VARS1: variants seen among roughly 807,000 people sequenced by gnomAD.
The protein encoded by VARS1 is valine--tRNA ligase.
VARS1 carries 92 observed loss-of-function variants against 161.0 expected under a neutral mutation model. The ratio of observed to expected loss-of-function variants is 0.57; its 90% CI spans 0.48 to 0.68. The LOEUF is 0.68. Ranked by LOEUF, VARS1 falls within the 30% of genes least tolerant of loss-of-function variation. The pLI, the probability that VARS1 is intolerant of heterozygous loss-of-function variation, is 0.00. For synonymous variants in VARS1, 595 were observed against 682.5 expected, an observed-to-expected ratio of 0.87 and a Z score of 2.00; for missense variants, 1,338 against 1,695.9, an observed-to-expected ratio of 0.79 and a Z score of 3.71.
At chr6:31,792,048 C>T (rs1461797199) in intron 6 of VARS1, 77 bp from the exon 7 acceptor site, 13 of 1,470,276 alleles carry the variant, frequency 8.8e-6, no homozygotes, top group African/African-American at 2.8e-5. Flanking sequence ...AGAGAGGGAT[C>T]GGGATCTCCG....
Position 31,779,346 on chromosome 6 carries a change from C to G in VARS1, c.3401-54G>C, listed in dbSNP as rs112414809. ...AGCTCCATGGAGACAGGAAACCAAG[C>G]AGTCACTGCCGGACACTGGGTCCCA... On this transcript the variant is annotated intron_variant, in intron 28 of 29. Coordinates refer to ENST00000375663, the MANE Select transcript of VARS1 (RefSeq NM_006295.3). The surrounding 1 kb of genome is among the most constrained non-coding windows in gnomAD (Gnocchi z 9.1). The G allele has an allele frequency of 3.1e-6, 5 of 1,601,450 alleles. No individual in the cohort carries two copies. The highest frequency in any genetic ancestry group is 4.2e-6 in the Non-Finnish European group (5 of 1,178,770).
Position 31,785,631 on chromosome 6 carries a change from T to A in VARS1, c.1203A>T (p.Gly401=). 2 of 1,612,988 alleles carry A rather than the reference T, an allele frequency of 1.2e-6. No individual in the cohort carries two copies. The highest frequency in any genetic ancestry group is 8.5e-7 in the Non-Finnish European group (1 of 1,180,016). ...VVEKKLWREQ[G]LSRHQLGREA... ...CGCGGCCCAGCTGGTGCCGGCTCAG[T>A]CCCTGCTCACGCCATAGCTTCTTCT... Residue 401 remains glycine (G), a synonymous_variant, in exon 9 of 30, where the codon GGA becomes GGT. Transcript: ENST00000375663. The surrounding 1 kb of genome is among the most constrained non-coding windows in gnomAD (Gnocchi z 6.1).
rs1273190008 is a variant in VARS1 at position 31,778,502 on chromosome 6, T to TTTTTG, written c.3726+460_3726+464dup. Among the ~76,000 whole-genome samples the TTTTTG allele has an allele frequency of 6.6e-6, 1 of 151,818 alleles. No homozygotes were observed. The highest frequency in any genetic ancestry group is 1.5e-5 in the Non-Finnish European group (1 of 67,930). On this transcript the variant is annotated intron_variant, in intron 29 of 29. Coordinates refer to ENST00000375663, the MANE Select transcript of VARS1 (RefSeq NM_006295.3). The surrounding 1 kb of genome is among the most constrained non-coding windows in gnomAD (Gnocchi z 5.1). ...AGTCCAGCTTCCAGACCAGGATTGG[T>TTTTTG]TTTTGTTTTGTTTTGTTTTTTTTCC... is the stretch of plus-strand genomic sequence containing the variant.
At position 31,792,975 on chromosome 6, in the gene VARS1, T is replaced by C. The variant is rs1405370404; in HGVS notation, c.522+11A>G. 3.1e-6 allele frequency: 5 copies of C among 1,613,904 alleles called. No homozygotes were observed. The highest frequency in any genetic ancestry group is 4.2e-6 in the Non-Finnish European group (5 of 1,180,040). ...GAGCAGTCTTGTTCTTCCCCAGGCC[T>C]GGTGACTCACGTATCGGAAAGGCAG... On this transcript the variant is annotated intron_variant, in intron 3 of 29. Coordinates refer to ENST00000375663, the MANE Select transcript of VARS1 (RefSeq NM_006295.3).
In VARS1 at chr6:31,779,211, C is replaced by A. The variant is rs759379173; in HGVS notation, c.3482G>T (p.Gly1161Val). 1 of 1,607,328 alleles carries A rather than the reference C, an allele frequency of 6.2e-7. No homozygotes were observed. The highest frequency in any genetic ancestry group is 8.5e-7 in the Non-Finnish European group (1 of 1,178,818). ...SGYVQALASA[G>V]VVAVLALGAP... ...CCCCAGGGCCAGAACAGCCACCACA[C>A]CTGCGCTGGCCAGGGCCTGCACGTA... Residue 1161 changes from glycine (G) to valine (V), a missense_variant, in exon 29 of 30, where the codon GGT becomes GTT. Physicochemically the swap from Gly to Val is moderately radical, Grantham distance 109 (BLOSUM62 -3). Coordinates refer to ENST00000375663, the MANE Select transcript of VARS1 (RefSeq NM_006295.3). This position sits in a 1 kb window ranked among gnomAD's most constrained non-coding sequence, Gnocchi z 9.1.
rs1398748842 is a variant in VARS1, at chr6:31,784,275, C to T, written c.1610G>A (p.Arg537Gln). The change falls in exon 13 of 30, where the codon CGG becomes CAG. Residue 537 changes from arginine (R) to glutamine (Q), a missense_variant. By Grantham distance (43) the Arg-to-Gln change is conservative. This residue lies in a region of VARS1 where 902 missense variants were observed against 1,090.3 expected (regional missense o/e 0.83). Coordinates refer to ENST00000375663, the MANE Select transcript of VARS1 (RefSeq NM_006295.3). The surrounding 1 kb of genome is among the most constrained non-coding windows in gnomAD (Gnocchi z 6.1). ...SDEEVVVATT[R>Q]IETMLGDVAV... ...CACATCTCCCAGCATTGTCTCGATC[C>T]GAGTTGTTGCCACCACCACCTCCTC... 1.2e-5 allele frequency: 19 copies of T among 1,614,184 alleles called. No individual in the cohort carries two copies. Among genetic ancestry groups the T allele is most frequent in the Non-Finnish European group, 1.5e-5 (18 of 1,180,036 alleles).
intron 6 of VARS1, 64 bp downstream of exon 6, chr6:31,792,153 A>G: frequency 4.4e-6 from 7 of 1,589,570 alleles, no homozygotes; most frequent in Non-Finnish European, 6.0e-6. Flanking sequence ...GCAAGAATAG[A>G]GCAAGATAGG....
chr6:31,794,093 CAAAAA>C (rs33960246), intron 2 of VARS1, among the ~76,000 whole-genome samples: 3 of 71,180 alleles, frequency 4.2e-5, no homozygotes, highest in Non-Finnish European at 6.1e-5. Context: ...GATTCTGTCT[CAAAAA>C]AAAAAAAAAA....
At position 31,779,406 on chromosome 6, in the gene VARS1, A is replaced by T. The variant is rs753034631; in HGVS notation, c.3400+19T>A. On this transcript the variant is annotated intron_variant, in intron 28 of 29. Coordinates refer to ENST00000375663, the MANE Select transcript of VARS1 (RefSeq NM_006295.3). The surrounding 1 kb of genome is among the most constrained non-coding windows in gnomAD (Gnocchi z 9.1). The stretch of plus-strand genomic sequence containing the variant: ...GAGGGGACAGTGGGATGGGGCGGAC[A>T]TGGGGGCCTGAGGCTCACAGTCAGG... The T allele has an allele frequency of 1.7e-5, 27 of 1,609,576 alleles. No homozygotes were observed. Among genetic ancestry groups the T allele is most frequent in the Non-Finnish European group, 2.3e-5 (27 of 1,179,836 alleles).
In VARS1 at chr6:31,782,949, C is replaced by T; in HGVS notation, c.1763-104G>A. 1 of 1,529,100 alleles carries T rather than the reference C, an allele frequency of 6.5e-7. No homozygotes were observed. The highest frequency in any genetic ancestry group is 8.8e-7 in the Non-Finnish European group (1 of 1,135,666). The allele number at this position is 1,529,100 out of a possible 1,614,324, so 94.7% of individuals were successfully genotyped here. A position where few individuals can be genotyped will look rare whatever the true frequency, so the allele number is the denominator to read the frequency against. On this transcript the variant is annotated intron_variant, in intron 14 of 29. Transcript: ENST00000375663. This position sits in a 1 kb window ranked among gnomAD's most constrained non-coding sequence, Gnocchi z 8.3. ...TGTAGCTCCGAGACCACTCCTGGCC[C>T]CCACTTGTCTAATACAGTCCCTTGA...
rs138362711 is a variant in VARS1 at position 31,779,401 on chromosome 6, C to T, written c.3400+24G>A. 3.4e-5 allele frequency: 54 copies of T among 1,608,542 alleles called. No individual in the cohort carries two copies. The African/African-American group carries it at 4.5e-4, about 13-fold the overall frequency. The stretch of plus-strand genomic sequence containing the variant: ...AGGCTGAGGGGACAGTGGGATGGGG[C>T]GGACATGGGGGCCTGAGGCTCACAG... On this transcript the variant is annotated intron_variant, in intron 28 of 29. Transcript: ENST00000375663. This position sits in a 1 kb window ranked among gnomAD's most constrained non-coding sequence, Gnocchi z 9.1.
At position 31,783,079 on chromosome 6, in the gene VARS1, A is replaced by G. The variant is rs765669677; in HGVS notation, c.1762+17T>C. The G allele has an allele frequency of 5.6e-6, 9 of 1,611,518 alleles. No individual in the cohort carries two copies. The highest frequency in any genetic ancestry group is 6.8e-6 in the Non-Finnish European group (8 of 1,179,334). ...TCCAGTCTTTTCCTCTCCCCACAGG[A>G]CCAGCCCCTTGCCCACCTGTGCCAA... On this transcript the variant is annotated intron_variant, in intron 14 of 29. Coordinates refer to ENST00000375663, the MANE Select transcript of VARS1 (RefSeq NM_006295.3).
chr6:31,789,629 C>T (rs1298727207), intron 8 of VARS1, among the ~76,000 whole-genome samples: 1 of 152,168 alleles, frequency 6.6e-6, no homozygotes, highest in Non-Finnish European at 1.5e-5. Context: ...CCAGCGAAAC[C>T]CTTCCACACA....
chr6:31,792,947 G>A (rs1374849063), intron 3 of VARS1, 39 bp downstream of exon 3: 2 of 1,614,176 alleles, frequency 1.2e-6, no homozygotes, highest in Non-Finnish European at 1.7e-6. Flanking sequence ...TGAGGTCTGA[G>A]GAGAGCAGTC....
At position 31,785,124 on chromosome 6, in the gene VARS1, C is replaced by T; in HGVS notation, c.1347+122G>A. On this transcript the variant is annotated intron_variant, in intron 10 of 29. Transcript: ENST00000375663. This position sits in a 1 kb window ranked among gnomAD's most constrained non-coding sequence, Gnocchi z 6.1. Reference sequence around the variant, plus strand: ...AAGTGGCATTTGCAGCTGAGCCCTCCATGGTGTTTTACATGGGCCAGCTCC... The same window carrying T: ...AAGTGGCATTTGCAGCTGAGCCCTCTATGGTGTTTTACATGGGCCAGCTCC... 1 of 1,148,978 alleles carries T rather than the reference C, an allele frequency of 8.7e-7. No individual in the cohort carries two copies. The highest frequency in any genetic ancestry group is 1.3e-6 in the Non-Finnish European group (1 of 787,812). The allele number at this position is 1,148,978 out of a possible 1,614,324, so 71.2% of individuals were successfully genotyped here.
chr6:31,780,700 CA>C lies in VARS1; in HGVS notation c.2797+4del. ...TGGCTGGGAGGGACGCTTTGGGGGC[CA>C]TACCCTGGGACATGTAGGCACATAA... is the stretch of plus-strand genomic sequence containing the variant. On this transcript the variant is annotated splice_donor_region_variant and intron_variant, in intron 24 of 29. Coordinates refer to ENST00000375663, the MANE Select transcript of VARS1 (RefSeq NM_006295.3). This position sits in a 1 kb window ranked among gnomAD's most constrained non-coding sequence, Gnocchi z 5.1. 3 of 1,614,112 alleles carry C rather than the reference CA, an allele frequency of 1.9e-6. No individual in the cohort carries two copies. The highest frequency in any genetic ancestry group is 2.5e-6 in the Non-Finnish European group (3 of 1,180,016).
rs1356017147 is a variant in VARS1, at chr6:31,778,876, G to A, written c.3726+91C>T. On this transcript the variant is annotated intron_variant, in intron 29 of 29. Coordinates refer to ENST00000375663, the MANE Select transcript of VARS1 (RefSeq NM_006295.3). The surrounding 1 kb of genome is among the most constrained non-coding windows in gnomAD (Gnocchi z 5.1). ...ATCTGTAACTGGTTACGATCAATTAGTTGTCAACACCACTGCACTCGGACC... is the reference window on the plus strand; with the variant it reads ...ATCTGTAACTGGTTACGATCAATTAATTGTCAACACCACTGCACTCGGACC... 1 of 1,515,608 alleles carries A rather than the reference G, an allele frequency of 6.6e-7. No individual in the cohort carries two copies. The highest frequency in any genetic ancestry group is 9.0e-7 in the Non-Finnish European group (1 of 1,106,342). 93.9% of individuals were successfully genotyped at this position (1,515,608 alleles called of 1,614,324 possible). A position where few individuals can be genotyped will look rare whatever the true frequency, so the allele number is the denominator to read the frequency against.
rs748202662 is a variant in VARS1 at position 31,784,763 on chromosome 6, G to A, written c.1348-49C>T. 2 of 1,610,532 alleles carry A rather than the reference G, an allele frequency of 1.2e-6. No homozygotes were observed. Among genetic ancestry groups the A allele is most frequent in the Admixed American group, 1.7e-5 (1 of 59,928 alleles). On this transcript the variant is annotated intron_variant, in intron 10 of 29. Transcript: ENST00000375663. The surrounding 1 kb of genome is among the most constrained non-coding windows in gnomAD (Gnocchi z 6.1). ...AGAGAGATGGGCCTTGTGCCTGGAG[G>A]CCCAGGCAGACACCCAGGGCTCCAG...
rs1813256313 is a variant in VARS1, at chr6:31,782,929, C to T, written c.1763-84G>A. 1 of 1,550,154 alleles carries T rather than the reference C, an allele frequency of 6.5e-7. No homozygotes were observed. The highest frequency in any genetic ancestry group is 8.7e-7 in the Non-Finnish European group (1 of 1,147,486). ...TCACCTCTTTTGCTGAAGGATGTAG[C>T]TCCGAGACCACTCCTGGCCCCCACT... On this transcript the variant is annotated intron_variant, in intron 14 of 29. Transcript: ENST00000375663. This position sits in a 1 kb window ranked among gnomAD's most constrained non-coding sequence, Gnocchi z 8.3.
Sources: allele counts gnomAD v4.1 joint callset (sites outside exome capture counted in the v4.1 genomes callset), GRCh38; gene constraint gnomAD v4.1.1; regional missense constraint gnomAD v4.1.1; non-coding constraint Gnocchi (gnomAD v3.1); transcripts MANE v1.5; gene names NCBI Gene and HGNC (gene_info 2026-07-23, HGNC 2026-07-21).